LUZP2: variants seen among roughly 807,000 people sequenced by gnomAD.
LUZP2 encodes leucine zipper protein 2.
LUZP2 carries 52 observed loss-of-function variants against 51.6 expected under a neutral mutation model. That is an observed-to-expected ratio of 1.01 (90% confidence interval 0.81 to 1.27). The LOEUF (loss-of-function observed/expected upper bound fraction) is 1.27. LUZP2 is among the 50% of genes most tolerant of loss of function. LUZP2 has a pLI of 0.00. For missense variants in LUZP2, 436 were observed against 395.4 expected (o/e 1.10, Z -0.87); for synonymous variants, 154 against 137.3 (o/e 1.12, Z -0.85).
At chr11:25,011,983 G>A (rs961966554) in intron 9 of LUZP2, among the ~76,000 whole-genome samples, 1 of 152,058 alleles carries the variant, frequency 6.6e-6, no homozygotes, top group African/African-American at 2.4e-5. Context: ...AAAGTTTTCT[G>A]AAGGCTTGTG....
intron 9 of LUZP2, among the ~76,000 whole-genome samples, chr11:25,004,104 G>T (rs1370261956): frequency 6.6e-6 from 1 of 152,136 alleles, no homozygotes; most frequent in African/African-American, 2.4e-5. Context: ...CTCAGTGAGG[G>T]TGATGACATG....
In LUZP2 at chr11:24,738,270, A is replaced by G. The variant is rs753486369; in HGVS notation, c.301A>G (p.Thr101Ala). Residue 101 changes from threonine to alanine, a missense_variant, in exon 4 of 12, where the codon ACA becomes GCA. Coordinates refer to ENST00000336930, the MANE Select transcript of LUZP2 (RefSeq NM_001009909.4). ...QEALQNQLKE[T>A]SEKAEKHQAT... ...GGCCCTGCAAAATCAGCTTAAGGAG[A>G]CATCAGAGAAAGCAGAAAAACACCA... The G allele has an allele frequency of 6.8e-6, 11 of 1,612,696 alleles. No homozygotes were observed. The highest frequency in any genetic ancestry group is 1.3e-5 in the African/African-American group (1 of 74,954).
intron 5 of LUZP2, 61 bp from the exon 6 acceptor site, chr11:24,905,930 G>A (rs751761970): frequency 8.2e-5 from 99 of 1,213,008 alleles, no homozygotes; most frequent in Non-Finnish European, 1.1e-4. Context: ...TGTTGACATA[G>A]TTGAAGGAAT....
chr11:25,002,693 G>T lies in LUZP2; in HGVS notation c.765+19400G>T, dbSNP rs553168252. Among the ~76,000 whole-genome samples the T allele has an allele frequency of 1.4e-4, 21 of 152,282 alleles. No homozygotes were observed. In the East Asian group the frequency reaches 3.5e-3, roughly 25 times the overall value. On this transcript the variant is annotated intron_variant, in intron 9 of 11. Coordinates refer to ENST00000336930, the MANE Select transcript of LUZP2 (RefSeq NM_001009909.4). ...ACTTAGGTATGTCACTGGTTGTGGG[G>T]TTGTCCCACGAGTATGAGTAAGGAC...
intron 3 of LUZP2, among the ~76,000 whole-genome samples, chr11:24,736,185 G>T (rs1443143449): frequency 6.6e-6 from 1 of 151,346 alleles, no homozygotes; most frequent in Non-Finnish European, 1.5e-5. Context: ...TATATAGATA[G>T]ATACCTACTC....
chr11:24,672,585 T>G (rs2134004553), intron 1 of LUZP2, among the ~76,000 whole-genome samples: 1 of 152,308 alleles, frequency 6.6e-6, no homozygotes. Context: ...AATAAAAAAC[T>G]ACTGTCTTTG....
chr11:24,808,337 T>C (rs1849914337), intron 5 of LUZP2, among the ~76,000 whole-genome samples: 1 of 152,164 alleles, frequency 6.6e-6, no homozygotes, highest in African/African-American at 2.4e-5. Flanking sequence ...CTTTTATTTA[T>C]TTAAGCTTCT....
chr11:24,875,892 A>G lies in LUZP2; in HGVS notation c.397-30099A>G, dbSNP rs1852243756. 5.9e-5 allele frequency among the ~76,000 whole-genome samples: 9 copies of G among 151,630 alleles called. No individual in the cohort carries two copies. In the South Asian group the frequency reaches 1.9e-3, roughly 31 times the overall value. ...TTTTTCATGTGTTTTTTGGCTGCAT[A>G]AATGTCTTCTTTTGAGAAGTGTCTG... On this transcript the variant is annotated intron_variant, in intron 5 of 11. Transcript: ENST00000336930.
intron 9 of LUZP2, among the ~76,000 whole-genome samples, chr11:25,017,065 A>T (rs561411899): frequency 6.6e-6 from 1 of 151,932 alleles, no homozygotes; most frequent in Non-Finnish European, 1.5e-5. Flanking sequence ...GGCCATTTGT[A>T]TATCTTATTT....
chr11:24,946,708 AGAGT>A (rs1460255554), intron 7 of LUZP2, among the ~76,000 whole-genome samples: 1 of 151,918 alleles, frequency 6.6e-6, no homozygotes, highest in Admixed American at 6.6e-5. Flanking sequence ...GAGAGAATGT[AGAGT>A]AAGTGCATAA....
intron 1 of LUZP2, among the ~76,000 whole-genome samples, chr11:24,573,646 T>C (rs1852512593): frequency 6.6e-6 from 1 of 151,920 alleles, no homozygotes; most frequent in Non-Finnish European, 1.5e-5. Context: ...GATTAGGAAT[T>C]TGAAAGTGTT....
At chr11:24,854,538 A>G (rs1425347728) in intron 5 of LUZP2, among the ~76,000 whole-genome samples, 1 of 152,106 alleles carries the variant, frequency 6.6e-6, no homozygotes, top group Non-Finnish European at 1.5e-5. Context: ...AAGCCAGTGG[A>G]TCTTAGCTTG....
chr11:24,510,294 A>G (rs905107734), intron 1 of LUZP2, among the ~76,000 whole-genome samples: 2 of 152,228 alleles, frequency 1.3e-5, no homozygotes, highest in African/African-American at 4.8e-5. Flanking sequence ...AGATGAAGCC[A>G]CAGGTACCAG....
At chr11:24,582,142 A>C (rs575056286) in intron 1 of LUZP2, among the ~76,000 whole-genome samples, 2 of 152,264 alleles carry the variant, frequency 1.3e-5, no homozygotes, top group African/African-American at 2.4e-5. Flanking sequence ...TTCTAACTAC[A>C]ACAGTGAGAA....
intron 1 of LUZP2, among the ~76,000 whole-genome samples, chr11:24,715,562 T>G (rs1858011507): frequency 6.6e-6 from 1 of 152,170 alleles, no homozygotes. Flanking sequence ...ATTACTTATA[T>G]TGTCACCTGT....
intron 7 of LUZP2, among the ~76,000 whole-genome samples, 196 bp downstream of exon 7, chr11:24,914,734 C>G (rs780132154): frequency 2.6e-5 from 4 of 152,130 alleles, no homozygotes; most frequent in African/African-American, 4.8e-5. Flanking sequence ...TACATTCATT[C>G]TTAATCAAAA....
chr11:24,680,813 C>T (rs1856708352), intron 1 of LUZP2, among the ~76,000 whole-genome samples: 1 of 152,160 alleles, frequency 6.6e-6, no homozygotes, highest in Admixed American at 6.5e-5. Context: ...ATGCAATTAA[C>T]TTGCTCAAGG....
intron 1 of LUZP2, among the ~76,000 whole-genome samples, chr11:24,626,764 A>AT (rs137895894): frequency 6.6e-6 from 1 of 152,028 alleles, no homozygotes; most frequent in South Asian, 2.1e-4. Flanking sequence ...AGAAGATAGT[A>AT]TTTTTTTCTG....
At chr11:25,001,243 G>A (rs1311255456) in intron 9 of LUZP2, among the ~76,000 whole-genome samples, 1 of 152,170 alleles carries the variant, frequency 6.6e-6, no homozygotes, top group Non-Finnish European at 1.5e-5. Context: ...GATTCTGTAA[G>A]TACTTTAAGG....
Sources: allele counts gnomAD v4.1 joint callset (sites outside exome capture counted in the v4.1 genomes callset), GRCh38; gene constraint gnomAD v4.1.1; transcripts MANE v1.5; gene names NCBI Gene and HGNC (gene_info 2026-07-23, HGNC 2026-07-21).